CNTNAP2: variants seen among roughly 807,000 people sequenced by gnomAD.
The protein encoded by CNTNAP2 is contactin associated protein 2, also known as contactin-associated protein-like 2.
Under a neutral mutation model 155.2 loss-of-function variants are expected in CNTNAP2, and 98 were observed. The observed-to-expected ratio is 0.63, with a 90% CI of 0.54 to 0.75. CNTNAP2 has a LOEUF of 0.75. Ranked by LOEUF, CNTNAP2 falls within the 30% of genes least tolerant of loss-of-function variation. The pLI is 0.00. For missense variants in CNTNAP2, 1,727 were observed against 1,688.1 expected (o/e 1.02, Z -0.40); for synonymous variants, 651 against 631.2 (o/e 1.03, Z -0.47).
At chr7:146,865,256 T>C (rs151332551) in intron 3 of CNTNAP2, among the ~76,000 whole-genome samples, 2,075 of 152,130 alleles carry the variant, frequency 0.014, 24 homozygotes, top group Non-Finnish European at 0.022. Context: ...TTATTAATTG[T>C]AAAATATGTT....
intron 1 of CNTNAP2, among the ~76,000 whole-genome samples, chr7:146,359,385 G>T (rs145236504): frequency 3.4e-4 from 52 of 152,278 alleles, no homozygotes; most frequent in African/African-American, 1.3e-3. Context: ...CAGGCACTTG[G>T]CTTCCACGAT....
intron 5 of CNTNAP2, among the ~76,000 whole-genome samples, chr7:147,112,113 G>A (rs574270413): frequency 6.6e-6 from 1 of 152,022 alleles, no homozygotes; most frequent in East Asian, 1.9e-4. Context: ...CTATATCTTA[G>A]GTATTTTATA....
chr7:146,863,951 C>T (rs1375380553), intron 3 of CNTNAP2, among the ~76,000 whole-genome samples: 2 of 151,996 alleles, frequency 1.3e-5, no homozygotes, highest in Non-Finnish European at 2.9e-5. Flanking sequence ...GCCCTCTTTG[C>T]TATTGATAGA....
At chr7:146,792,990 A>T (rs989288542) in intron 2 of CNTNAP2, among the ~76,000 whole-genome samples, 2 of 152,212 alleles carry the variant, frequency 1.3e-5, no homozygotes, top group African/African-American at 4.8e-5. Context: ...CATGGAAAAA[A>T]ACTAAAAAGA....
chr7:147,714,742 A>G (rs540133911), intron 13 of CNTNAP2, among the ~76,000 whole-genome samples: 1 of 152,156 alleles, frequency 6.6e-6, no homozygotes, highest in Non-Finnish European at 1.5e-5. Flanking sequence ...TATGCAGTTT[A>G]TTAAATGTGT....
intron 1 of CNTNAP2, among the ~76,000 whole-genome samples, chr7:146,772,559 C>T (rs534242905): frequency 1.3e-5 from 2 of 151,426 alleles, no homozygotes; most frequent in Non-Finnish European, 2.9e-5. Flanking sequence ...ATCCCAGCTA[C>T]TCAGGAGGCT....
At chr7:147,268,775 A>G (rs1370090855) in intron 8 of CNTNAP2, among the ~76,000 whole-genome samples, 1 of 152,140 alleles carries the variant, frequency 6.6e-6, no homozygotes, top group Non-Finnish European at 1.5e-5. Flanking sequence ...TACAGTCCAA[A>G]TTTTTGGAGA....
At chr7:146,786,599 C>T (rs928409513) in intron 2 of CNTNAP2, among the ~76,000 whole-genome samples, 1 of 152,146 alleles carries the variant, frequency 6.6e-6, no homozygotes. Context: ...ATATGCTTGA[C>T]GCGAATATTG....
At chr7:147,319,942 T>C (rs943838142) in intron 9 of CNTNAP2, among the ~76,000 whole-genome samples, 1 of 152,188 alleles carries the variant, frequency 6.6e-6, no homozygotes, top group Admixed American at 6.5e-5. Flanking sequence ...TTTTGGGCCA[T>C]GTGTTCTTTC....
At chr7:148,010,661 G>GTT (rs34165242) in intron 15 of CNTNAP2, among the ~76,000 whole-genome samples, 5,189 of 149,082 alleles carry the variant, frequency 0.035, 137 homozygotes, top group South Asian at 0.13. Context: ...ATACATCAAG[G>GTT]TTTTTTTTTT....
intron 1 of CNTNAP2, among the ~76,000 whole-genome samples, chr7:146,213,509 G>T (rs1799067892): frequency 6.6e-6 from 1 of 152,166 alleles, no homozygotes; most frequent in Non-Finnish European, 1.5e-5. Context: ...TACTTTAACA[G>T]AATATGTGAG....
chr7:147,662,139 A>G (rs1306170221), intron 13 of CNTNAP2, among the ~76,000 whole-genome samples: 2 of 152,154 alleles, frequency 1.3e-5, no homozygotes, highest in African/African-American at 4.8e-5. Context: ...GATGGCACAC[A>G]TATTAATCAA....
intron 3 of CNTNAP2, among the ~76,000 whole-genome samples, chr7:146,883,748 C>T (rs754302957): frequency 1.3e-5 from 2 of 152,098 alleles, no homozygotes; most frequent in African/African-American, 4.8e-5. Flanking sequence ...TGGCTCTAAA[C>T]AATTGATCAA....
At chr7:146,516,752 AAT>A (rs1797547674) in intron 1 of CNTNAP2, among the ~76,000 whole-genome samples, 1 of 151,958 alleles carries the variant, frequency 6.6e-6, no homozygotes, top group Non-Finnish European at 1.5e-5. Context: ...AAGGTTTATG[AAT>A]CTCCCCTCTG....
intron 1 of CNTNAP2, among the ~76,000 whole-genome samples, chr7:146,667,345 G>A (rs1052388217): frequency 1.3e-5 from 2 of 152,032 alleles, no homozygotes; most frequent in Admixed American, 6.6e-5. Flanking sequence ...GCCTATAGAT[G>A]TTTCTATGCC....
At chr7:146,826,398 C>A (rs941943229) in intron 2 of CNTNAP2, among the ~76,000 whole-genome samples, 27 of 152,082 alleles carry the variant, frequency 1.8e-4, no homozygotes, top group African/African-American at 6.5e-4. Flanking sequence ...CATTTAAATT[C>A]TTAACATTTC....
intron 13 of CNTNAP2, among the ~76,000 whole-genome samples, chr7:147,758,099 G>A (rs1425257975): frequency 3.3e-5 from 5 of 152,096 alleles, no homozygotes; most frequent in East Asian, 3.9e-4. Flanking sequence ...AATCAAACAC[G>A]GAAAAGAAGC....
At chr7:147,053,716 A>G (rs955445974) in intron 4 of CNTNAP2, among the ~76,000 whole-genome samples, 1 of 152,186 alleles carries the variant, frequency 6.6e-6, no homozygotes, top group African/African-American at 2.4e-5. Context: ...TTTATTATAC[A>G]TATTAGTCCA....
chr7:147,945,941 C>T (rs1270882327), intron 14 of CNTNAP2, among the ~76,000 whole-genome samples: 3 of 145,866 alleles, frequency 2.1e-5, no homozygotes, highest in Non-Finnish European at 4.5e-5. Context: ...CATCTCGGCT[C>T]ATGGCAACCT....
Sources: gnomAD v4.1 joint callset for allele counts (sites outside exome capture counted in the v4.1 genomes callset) on GRCh38, gnomAD v4.1.1 for gene constraint, MANE v1.5 for transcripts, NCBI Gene and HGNC (gene_info 2026-07-23, HGNC 2026-07-21) for gene names.